OXR1: variants seen among roughly 807,000 people sequenced by gnomAD.
OXR1 encodes oxidation resistance 1, also known as oxidation resistance protein 1.
In OXR1, 41 loss-of-function variants were observed where a neutral mutation model predicts 104.6. The ratio of observed to expected loss-of-function variants is 0.39; its 90% CI spans 0.31 to 0.51. The LOEUF is 0.51. Ranked by LOEUF, OXR1 falls within the 20% of genes least tolerant of loss-of-function variation. The pLI is 0.77. For missense variants in OXR1, 955 were observed against 1,031.9 expected (o/e 0.93, Z 1.02); for synonymous variants, 348 against 348.4 (o/e 1.00, Z 0.01).
chr8:106,711,809 A>G (rs529536708), intron 10 of OXR1, among the ~76,000 whole-genome samples: 1 of 152,260 alleles, frequency 6.6e-6, no homozygotes, highest in South Asian at 2.1e-4. Context: ...AAGAGGAACC[A>G]TAAGTTTAGG....
chr8:106,472,755 A>G (rs1393393426), intron 2 of OXR1, among the ~76,000 whole-genome samples: 1 of 151,832 alleles, frequency 6.6e-6, no homozygotes, highest in Non-Finnish European at 1.5e-5. Flanking sequence ...CCATGTAAAT[A>G]TCAGTGTCCA....
intron 1 of OXR1, among the ~76,000 whole-genome samples, chr8:106,303,927 A>T (rs1813370722): frequency 6.6e-6 from 1 of 152,230 alleles, no homozygotes; most frequent in African/African-American, 2.4e-5. Context: ...TATGCAAATT[A>T]TTAACAAATT....
At chr8:106,309,416 G>A (rs550433433) in intron 1 of OXR1, among the ~76,000 whole-genome samples, 12 of 151,928 alleles carry the variant, frequency 7.9e-5, no homozygotes, top group African/African-American at 2.2e-4. Flanking sequence ...TCATATATAC[G>A]ACATTTACAT....
intron 1 of OXR1, among the ~76,000 whole-genome samples, chr8:106,298,519 A>G (rs1381330657): frequency 1.3e-5 from 2 of 152,136 alleles, no homozygotes; most frequent in Admixed American, 1.3e-4. Context: ...CAGCCAGACC[A>G]TATCAGAATC....
intron 3 of OXR1, among the ~76,000 whole-genome samples, chr8:106,622,752 C>G (rs1345599610): frequency 6.6e-6 from 1 of 152,204 alleles, no homozygotes; most frequent in Non-Finnish European, 1.5e-5. Context: ...TTCACATACA[C>G]TCTTCTCTGC....
intron 1 of OXR1, among the ~76,000 whole-genome samples, chr8:106,280,556 G>C (rs181084267): frequency 3.3e-5 from 5 of 152,200 alleles, no homozygotes; most frequent in African/African-American, 9.6e-5. Flanking sequence ...AAGTAGAATG[G>C]TGTTTGCAAG....
intron 1 of OXR1, among the ~76,000 whole-genome samples, chr8:106,331,710 TG>T (rs563685131): frequency 5.3e-4 from 81 of 152,176 alleles, no homozygotes; most frequent in African/African-American, 1.9e-3. Context: ...GAGGCCAACG[TG>T]GGCGGATCAT....
intron 3 of OXR1, among the ~76,000 whole-genome samples, chr8:106,650,838 A>G (rs770567588): frequency 1.3e-5 from 2 of 152,200 alleles, no homozygotes; most frequent in Non-Finnish European, 2.9e-5. Flanking sequence ...CCCCCTTAAA[A>G]ATACTTTTCT....
chr8:106,747,379 T>C (rs1835478583), intron 16 of OXR1, among the ~76,000 whole-genome samples: 1 of 152,238 alleles, frequency 6.6e-6, no homozygotes, highest in Admixed American at 6.5e-5. Flanking sequence ...CCTAAACTGA[T>C]AGCCACCTTT....
At chr8:106,333,199 A>G (rs944016111) in intron 1 of OXR1, among the ~76,000 whole-genome samples, 1 of 152,044 alleles carries the variant, frequency 6.6e-6, no homozygotes, top group Admixed American at 6.6e-5. Flanking sequence ...TCTACCTTTG[A>G]GTTTTTGAGG....
intron 9 of OXR1, among the ~76,000 whole-genome samples, chr8:106,709,099 T>G (rs748168972): frequency 3.9e-5 from 6 of 152,114 alleles, no homozygotes; most frequent in Non-Finnish European, 8.8e-5. Context: ...AAAGAACATT[T>G]GGCAAACATA....
intron 9 of OXR1, among the ~76,000 whole-genome samples, chr8:106,709,663 G>T (rs1174467393): frequency 6.6e-6 from 1 of 151,892 alleles, no homozygotes; most frequent in African/African-American, 2.4e-5. Flanking sequence ...ATTGATAGAT[G>T]TTTTTAAACA....
At chr8:106,411,288 A>G (rs1049984926) in intron 2 of OXR1, among the ~76,000 whole-genome samples, 8 of 152,182 alleles carry the variant, frequency 5.3e-5, no homozygotes, top group South Asian at 2.1e-4. Flanking sequence ...GATAAGGAGT[A>G]GGAAGAGAGT....
intron 2 of OXR1, among the ~76,000 whole-genome samples, chr8:106,421,347 A>T (rs989522711): frequency 6.6e-6 from 1 of 152,162 alleles, no homozygotes; most frequent in Non-Finnish European, 1.5e-5. Flanking sequence ...CTTATTGCCA[A>T]AATAGTAGAA....
intron 13 of OXR1, 196 bp from the exon 14 acceptor site, chr8:106,740,147 A>G: frequency 2.1e-6 from 1 of 472,710 alleles, no homozygotes; most frequent in Non-Finnish European, 3.7e-6. Flanking sequence ...TTTTCCTAAT[A>G]GACAATTAAT....
chr8:106,702,946 T>A lies in OXR1; in HGVS notation c.716T>A (p.Ile239Lys). 1 of 1,613,724 alleles carries A rather than the reference T, an allele frequency of 6.2e-7. No individual in the cohort carries two copies. The highest frequency in any genetic ancestry group is 8.5e-7 in the Non-Finnish European group (1 of 1,179,722). Reference protein sequence around the residue: ...SGVLLVTPNNIMFDPHKNDPL... With the variant: ...SGVLLVTPNNKMFDPHKNDPL... ...GTGCTGCTAGTTACACCAAATAATA[T>A]AATGTTTGATCCACATAAAAATGAC... The change falls in exon 8 of 17, where the codon ATA becomes AAA. Residue 239 changes from isoleucine to lysine, a missense_variant. Ile to Lys is a moderately radical substitution (Grantham distance 102). Around this residue, in one of 2 missense-constraint regions of OXR1, gnomAD observed 849 missense variants for 852.9 expected, o/e 1.00. Transcript: ENST00000517566.
rs1369607294 is a variant in OXR1 at position 106,399,091 on chromosome 8, T to C, written c.23+39455T>C. Among the ~76,000 whole-genome samples, 2 of 152,150 alleles carry C rather than the reference T, an allele frequency of 1.3e-5. 1 individual carries two copies. On this transcript the variant is annotated intron_variant, in intron 2 of 16. Coordinates refer to ENST00000517566, the MANE Select transcript of OXR1 (RefSeq NM_001198533.2). Reference sequence around the variant, plus strand: ...TGGTGCCCAAAAGGCCACTTGAAAATACTGAAATGTTGTGAAGTTTAAGTG... The same window carrying C: ...TGGTGCCCAAAAGGCCACTTGAAAACACTGAAATGTTGTGAAGTTTAAGTG...
intron 3 of OXR1, among the ~76,000 whole-genome samples, chr8:106,557,557 T>A (rs1304945587): frequency 6.6e-6 from 1 of 152,172 alleles, no homozygotes; most frequent in African/African-American, 2.4e-5. Context: ...CTACTTTTTT[T>A]TTTTTAAATT....
intron 1 of OXR1, among the ~76,000 whole-genome samples, chr8:106,303,766 T>C (rs533814755): frequency 1.3e-4 from 20 of 152,334 alleles, no homozygotes; most frequent in Non-Finnish European, 2.8e-4. Flanking sequence ...TGTGGCTTCC[T>C]TTCCAATACC....
Sources: allele counts gnomAD v4.1 joint callset (sites outside exome capture counted in the v4.1 genomes callset), GRCh38; gene constraint gnomAD v4.1.1; regional missense constraint gnomAD v4.1.1; transcripts MANE v1.5; gene names NCBI Gene and HGNC (gene_info 2026-07-23, HGNC 2026-07-21).